ANTXR2: variants seen among roughly 807,000 people sequenced by gnomAD.
ANTXR2 encodes ANTXR cell adhesion molecule 2, also known as anthrax toxin receptor 2.
Under a neutral mutation model 73.7 loss-of-function variants are expected in ANTXR2, and 44 were observed. The observed-to-expected ratio is 0.60, with a 90% confidence interval of 0.47 to 0.77. ANTXR2 has a LOEUF of 0.77. ANTXR2 is among the 30% of genes least tolerant of loss of function. ANTXR2 has a pLI of 0.00. For missense variants in ANTXR2, 604 were observed against 592.5 expected (o/e 1.02, Z -0.20); for synonymous variants, 217 against 205.9 (o/e 1.05, Z -0.46).
intron 12 of ANTXR2, among the ~76,000 whole-genome samples, chr4:80,006,121 C>T (rs1211465773): frequency 2.6e-5 from 4 of 152,094 alleles, no homozygotes; most frequent in East Asian, 3.8e-4. Context: ...CTCTGAAATG[C>T]TCCCTTTAGT....
chr4:80,057,789 G>T (rs1734065044), intron 3 of ANTXR2, among the ~76,000 whole-genome samples: 1 of 151,882 alleles, frequency 6.6e-6, no homozygotes, highest in Non-Finnish European at 1.5e-5. Flanking sequence ...TACACTGAAA[G>T]TTTACATTAG....
At chr4:79,937,094 G>C (rs950243583) in intron 16 of ANTXR2, among the ~76,000 whole-genome samples, 3 of 151,876 alleles carry the variant, frequency 2.0e-5, no homozygotes, top group African/African-American at 7.3e-5. Flanking sequence ...ACTTTATACA[G>C]TTTTAAAACA....
intron 16 of ANTXR2, among the ~76,000 whole-genome samples, chr4:79,957,333 A>C (rs928630489): frequency 5.3e-5 from 8 of 152,112 alleles, no homozygotes; most frequent in Non-Finnish European, 1.2e-4. Context: ...GTACAAAAAT[A>C]AATGGGTTGA....
intron 16 of ANTXR2, among the ~76,000 whole-genome samples, chr4:79,966,499 A>G (rs759930925): frequency 4.9e-4 from 74 of 152,284 alleles, no homozygotes; most frequent in Non-Finnish European, 8.4e-4. Flanking sequence ...TGTGCCAAAT[A>G]TACTCTAAAT....
intron 10 of ANTXR2, among the ~76,000 whole-genome samples, chr4:80,019,658 A>C (rs1175542302): frequency 6.6e-6 from 1 of 152,192 alleles, no homozygotes; most frequent in African/African-American, 2.4e-5. Flanking sequence ...GGAAGCAATA[A>C]ACCAGTCAAA....
Position 79,995,907 on chromosome 4 carries a change from C to A in ANTXR2, c.1042-11044G>T, listed in dbSNP as rs185812652. On this transcript the variant is annotated intron_variant, in intron 12 of 16. Coordinates refer to ENST00000403729, the MANE Select transcript of ANTXR2 (RefSeq NM_058172.6). ...CCACCATCACAACAAATAATAGTAC[C>A]TTCAGAAACTGAACCAGAGCTAAGG... 4.6e-3 allele frequency among the ~76,000 whole-genome samples: 693 copies of A among 152,066 alleles called. 10 individuals carry two copies. The highest frequency in any genetic ancestry group is 0.016 in the African/African-American group (658 of 41,518).
chr4:79,907,488 A>C, intron 16 of ANTXR2, 21 bp from the exon 17 acceptor site: 1 of 1,606,120 alleles, frequency 6.2e-7, no homozygotes, highest in African/African-American at 1.3e-5. Context: ...AAATAAATCC[A>C]TATTGAAATA....
chr4:80,036,276 A>G (rs1469463778), intron 7 of ANTXR2, among the ~76,000 whole-genome samples: 4 of 152,120 alleles, frequency 2.6e-5, no homozygotes, highest in African/African-American at 9.7e-5. Flanking sequence ...TCAGATAAGC[A>G]CAGGAAAAGT....
chr4:79,987,950 C>T (rs758110105), intron 12 of ANTXR2, among the ~76,000 whole-genome samples: 5 of 151,986 alleles, frequency 3.3e-5, no homozygotes, highest in Non-Finnish European at 7.4e-5. Flanking sequence ...GTTATGTTTA[C>T]AAGAGGTCCT....
At chr4:80,030,270 A>G (rs1176956786) in intron 10 of ANTXR2, among the ~76,000 whole-genome samples, 1 of 152,102 alleles carries the variant, frequency 6.6e-6, no homozygotes, top group African/African-American at 2.4e-5. Flanking sequence ...GGAGCTGCCA[A>G]TAACTAAAAT....
chr4:80,061,413 A>G (rs1287098553), intron 3 of ANTXR2, among the ~76,000 whole-genome samples: 1 of 152,094 alleles, frequency 6.6e-6, no homozygotes, highest in Non-Finnish European at 1.5e-5. Context: ...TTGCAGGAAT[A>G]CTATAGGTAT....
intron 11 of ANTXR2, among the ~76,000 whole-genome samples, chr4:80,011,109 G>A (rs1186282141): frequency 4.0e-5 from 6 of 151,582 alleles, no homozygotes; most frequent in South Asian, 2.1e-4. Context: ...ATCATGCCAC[G>A]CACTCCAGCC....
Position 80,008,517 on chromosome 4 carries a change from T to C in ANTXR2, c.1041+4A>G. ...AAGTAGAGTTGTAAATCCTTCTTAC[T>C]CACCACTTTGCAGCAAAGGGGCCAA... On this transcript the variant is annotated splice_donor_region_variant and intron_variant, in intron 12 of 16. Coordinates refer to ENST00000403729, the MANE Select transcript of ANTXR2 (RefSeq NM_058172.6). 6.2e-7 allele frequency: 1 copy of C among 1,601,914 alleles called. No homozygotes were observed. Among genetic ancestry groups the C allele is most frequent in the Non-Finnish European group, 8.5e-7 (1 of 1,171,790 alleles).
chr4:79,917,822 CAAAG>C (rs2109938675), intron 16 of ANTXR2, among the ~76,000 whole-genome samples: 1 of 151,544 alleles, frequency 6.6e-6, no homozygotes, highest in Non-Finnish European at 1.5e-5. Flanking sequence ...ATGGTACACA[CAAAG>C]AAGCATAAAA....
intron 10 of ANTXR2, among the ~76,000 whole-genome samples, chr4:80,026,090 T>G (rs1732422136): frequency 6.6e-6 from 1 of 152,134 alleles, no homozygotes; most frequent in Non-Finnish European, 1.5e-5. Flanking sequence ...TTAAAGAGTC[T>G]TAGTGATATG....
intron 16 of ANTXR2, among the ~76,000 whole-genome samples, chr4:79,926,538 T>C (rs1013250037): frequency 6.6e-6 from 1 of 152,144 alleles, no homozygotes; most frequent in African/African-American, 2.4e-5. Context: ...TTGTAAAGAC[T>C]TGCATATTAA....
chr4:79,922,769 G>A (rs945135607), intron 16 of ANTXR2, among the ~76,000 whole-genome samples: 3 of 152,022 alleles, frequency 2.0e-5, no homozygotes, highest in Non-Finnish European at 4.4e-5. Context: ...TCCAGAGCTC[G>A]TGTAGATACA....
At chr4:79,980,508 T>C (rs555821726) in intron 14 of ANTXR2, among the ~76,000 whole-genome samples, 1 of 152,326 alleles carries the variant, frequency 6.6e-6, no homozygotes, top group Admixed American at 6.5e-5. Flanking sequence ...GTAAGCTTGA[T>C]AGCTAAATTC....
chr4:80,058,781 A>T (rs1734116261), intron 3 of ANTXR2, among the ~76,000 whole-genome samples: 1 of 152,106 alleles, frequency 6.6e-6, no homozygotes, highest in Non-Finnish European at 1.5e-5. Flanking sequence ...CTTGAATTCA[A>T]CATCTTAGAA....
Sources: gnomAD v4.1 joint callset for allele counts (sites outside exome capture counted in the v4.1 genomes callset) on GRCh38, gnomAD v4.1.1 for gene constraint, MANE v1.5 for transcripts, NCBI Gene and HGNC (gene_info 2026-07-23, HGNC 2026-07-21) for gene names.